The following SPATA13 variants were observed in gnomAD, a reference collection of about 807,000 sequenced individuals.
SPATA13 encodes spermatogenesis-associated protein 13.
Under a neutral mutation model 104.0 loss-of-function variants are expected in SPATA13, and 50 were observed. The observed-to-expected ratio is 0.48, with a 90% CI of 0.38 to 0.61. The LOEUF (loss-of-function observed/expected upper bound fraction) is 0.61. Ranked by LOEUF, SPATA13 falls within the 20% of genes least tolerant of loss-of-function variation. The pLI is 0.00. For synonymous variants in SPATA13, 606 were observed against 667.5 expected (o/e 0.91, Z 1.42); for missense variants, 1,524 against 1,690.6 (o/e 0.90, Z 1.73).
intron 2 of SPATA13, among the ~76,000 whole-genome samples, chr13:24,229,108 A>G (rs891405639): frequency 6.6e-6 from 1 of 152,226 alleles, no homozygotes; most frequent in African/African-American, 2.4e-5. Flanking sequence ...TTACTTGTTG[A>G]CAGTGCTGTC....
intron 1 of SPATA13, among the ~76,000 whole-genome samples, chr13:24,187,295 A>T (rs1383446041): frequency 2.0e-5 from 3 of 152,158 alleles, no homozygotes; most frequent in African/African-American, 7.2e-5. Context: ...CTGGAGGTAG[A>T]TGAAGAAACT....
chr13:24,160,629 TA>T, upstream of SPATA13: 1 of 764,746 alleles, frequency 1.3e-6, no homozygotes, highest in African/African-American at 2.3e-5. Flanking sequence ...GGGAGTGAGC[TA>T]ACCGGGGGCG....
intron 3 of SPATA13, among the ~76,000 whole-genome samples, chr13:24,117,907 T>G (rs1880904348): frequency 6.6e-6 from 1 of 152,230 alleles, no homozygotes; most frequent in African/African-American, 2.4e-5. Flanking sequence ...TTGGGTTGTT[T>G]ATAAAAACCA....
intron 2 of SPATA13, among the ~76,000 whole-genome samples, chr13:23,988,650 A>G (rs1327886901): frequency 1.3e-5 from 2 of 152,172 alleles, no homozygotes; most frequent in East Asian, 1.9e-4. Context: ...GCCCTCACCA[A>G]CGAAGCAAAA....
chr13:24,003,449 A>G (rs1019709178), intron 2 of SPATA13, among the ~76,000 whole-genome samples: 1 of 152,216 alleles, frequency 6.6e-6, no homozygotes, highest in Non-Finnish European at 1.5e-5. Context: ...TTCATGAGGA[A>G]CCTGAATTAA....
intron 3 of SPATA13, among the ~76,000 whole-genome samples, chr13:24,055,260 T>G (rs528231379): frequency 1.3e-5 from 2 of 152,368 alleles, no homozygotes; most frequent in Admixed American, 1.3e-4. Context: ...AGTCCTCTCC[T>G]TCTCCTTCAG....
intron 3 of SPATA13, among the ~76,000 whole-genome samples, chr13:24,110,677 A>C (rs1264603771): frequency 1.3e-5 from 2 of 152,214 alleles, no homozygotes; most frequent in Non-Finnish European, 2.9e-5. Flanking sequence ...AAAGGAAACA[A>C]ACATGCCCCC....
intron 3 of SPATA13, among the ~76,000 whole-genome samples, chr13:24,142,190 G>A (rs531529988): frequency 3.1e-4 from 42 of 133,408 alleles, no homozygotes; most frequent in Non-Finnish European, 6.0e-4. Flanking sequence ...CCCCTCCCCC[G>A]CCAATATTAA....
chr13:24,114,416 C>T (rs1279602591), intron 3 of SPATA13, among the ~76,000 whole-genome samples: 1 of 89,874 alleles, frequency 1.1e-5, no homozygotes, highest in Non-Finnish European at 2.7e-5. Flanking sequence ...CATGTAGAGC[C>T]TGTCCTAGTG....
intron 3 of SPATA13, among the ~76,000 whole-genome samples, chr13:24,060,550 A>G (rs989563499): frequency 6.6e-6 from 1 of 152,232 alleles, no homozygotes; most frequent in African/African-American, 2.4e-5. Flanking sequence ...AAGATGCCAA[A>G]AGCAATTGCA....
At chr13:24,108,150 G>C (rs1346018694) in intron 3 of SPATA13, among the ~76,000 whole-genome samples, 1 of 152,162 alleles carries the variant, frequency 6.6e-6, no homozygotes, top group Non-Finnish European at 1.5e-5. Context: ...GGGAAGGGGG[G>C]ACACGCCCCT....
rs537738670 is a variant in SPATA13 at position 24,305,577 on chromosome 13, G to A, written c.*2804G>A. On this transcript the variant is annotated 3_prime_UTR_variant, in exon 13 of 13. Transcript: ENST00000382108. Reference sequence around the variant, plus strand: ...TGATTTGAGTCACGTGTTCCACTTGGAAAGAAAGGGAACAGAGAGCCTCCT... The same window carrying A: ...TGATTTGAGTCACGTGTTCCACTTGAAAAGAAAGGGAACAGAGAGCCTCCT... The A allele has an allele frequency of 1.2e-4, 18 of 152,282 alleles. No individual in the cohort carries two copies. In the East Asian group the frequency reaches 3.5e-3, roughly 29 times the overall value. The allele number at this position is 152,282 out of a possible 1,614,324, so 9.4% of individuals were successfully genotyped here. A position where few individuals can be genotyped will look rare whatever the true frequency, so the allele number is the denominator to read the frequency against.
At chr13:24,043,375 T>A (rs1878005381) in intron 3 of SPATA13, among the ~76,000 whole-genome samples, 1 of 152,192 alleles carries the variant, frequency 6.6e-6, no homozygotes, top group Admixed American at 6.5e-5. Flanking sequence ...CACTGGTCCC[T>A]GCAGCTTGAT....
chr13:24,010,428 T>G (rs1291388099), intron 2 of SPATA13, among the ~76,000 whole-genome samples: 1 of 151,782 alleles, frequency 6.6e-6, no homozygotes, highest in Non-Finnish European at 1.5e-5. Context: ...AGGAGTTTCC[T>G]TGTGGGCATA....
At chr13:24,251,464 A>T in intron 3 of SPATA13, 4 of 985,312 alleles carry the variant, frequency 4.1e-6, no homozygotes, top group Non-Finnish European at 4.8e-6. Flanking sequence ...AGTGTGACCT[A>T]TTGGCATGTT....
intron 2 of SPATA13, among the ~76,000 whole-genome samples, chr13:24,246,052 C>G (rs920944793): frequency 6.6e-6 from 1 of 152,138 alleles, no homozygotes; most frequent in Middle Eastern, 3.2e-3. Flanking sequence ...TTTGGCATTA[C>G]TGAGAAAAGG....
chr13:24,224,753 C>T (rs1444120164), intron 2 of SPATA13, 171 bp downstream of exon 2: 1 of 703,954 alleles, frequency 1.4e-6, no homozygotes, highest in East Asian at 2.7e-5. Flanking sequence ...TTACCAAGTT[C>T]AGAAGTAATC....
At chr13:24,178,983 C>T (rs1868617378) in intron 1 of SPATA13, among the ~76,000 whole-genome samples, 1 of 152,142 alleles carries the variant, frequency 6.6e-6, no homozygotes, top group Non-Finnish European at 1.5e-5. Flanking sequence ...ATAGTCTGTC[C>T]CTCTACATTT....
chr13:24,160,761 T>G lies in SPATA13; in HGVS notation c.-283T>G, dbSNP rs1593368277. 1 of 985,392 alleles carries G rather than the reference T, an allele frequency of 1.0e-6. No homozygotes were observed. Among genetic ancestry groups the G allele is most frequent in the Non-Finnish European group, 1.2e-6 (1 of 829,980 alleles). The allele number at this position is 985,392 out of a possible 1,614,324, so 61.0% of individuals were successfully genotyped here. On this transcript the variant is annotated 5_prime_UTR_variant, in exon 1 of 13. Transcript: ENST00000382108. ...CGCGGGAGGAGAGTGTGCGTTGCGC[T>G]TTCTCCCGCGATCGCCCTGCCGGTC...
Sources: allele counts gnomAD v4.1 joint callset (sites outside exome capture counted in the v4.1 genomes callset), GRCh38; gene constraint gnomAD v4.1.1; transcripts MANE v1.5; gene names NCBI Gene and HGNC (gene_info 2026-07-23, HGNC 2026-07-21).